The following PIGU variants were observed in gnomAD, a reference collection of about 807,000 sequenced individuals.
PIGU encodes GPI-anchor transamidase component PIGU.
Under a neutral mutation model 49.9 loss-of-function variants are expected in PIGU, and 24 were observed. The observed-to-expected ratio is 0.48, with a 90% CI of 0.35 to 0.68. The LOEUF is 0.68. Ranked by LOEUF, PIGU falls within the 30% of genes least tolerant of loss-of-function variation. PIGU has a pLI of 0.01. For synonymous variants in PIGU, 220 were observed against 205.7 expected, an observed-to-expected ratio of 1.07 and a Z score of -0.59; for missense variants, 490 against 532.6, an observed-to-expected ratio of 0.92 and a Z score of 0.79.
At chr20:34,669,506 A>G (rs995122231) in intron 1 of PIGU, among the ~76,000 whole-genome samples, 4 of 152,002 alleles carry the variant, frequency 2.6e-5, no homozygotes, top group African/African-American at 9.7e-5. Context: ...ATCTCTACCA[A>G]AAATACAAAA....
intron 7 of PIGU, among the ~76,000 whole-genome samples, chr20:34,596,170 A>G (rs1201069427): frequency 6.6e-6 from 1 of 152,230 alleles, no homozygotes; most frequent in Non-Finnish European, 1.5e-5. Flanking sequence ...TGAGGACACA[A>G]TATGCATTTT....
chr20:34,633,138 T>C (rs1402111034), intron 6 of PIGU, among the ~76,000 whole-genome samples: 1 of 152,098 alleles, frequency 6.6e-6, no homozygotes, highest in African/African-American at 2.4e-5. Flanking sequence ...CACAGTGTTG[T>C]AAAATATAGG....
chr20:34,588,395 T>G (rs1983787068), intron 8 of PIGU, 58 bp downstream of exon 8: 1 of 1,491,972 alleles, frequency 6.7e-7, no homozygotes, highest in Admixed American at 1.9e-5. Flanking sequence ...GACAACAGTA[T>G]ACAAGGGTTC....
rs566473169 is a variant in PIGU at position 34,637,090 on chromosome 20, G to A, written c.428+786C>T. Among the ~76,000 whole-genome samples, 10 of 152,310 alleles carry A rather than the reference G, an allele frequency of 6.6e-5. No individual in the cohort carries two copies. The South Asian group carries it at 1.5e-3, about 22-fold the overall frequency. On this transcript the variant is annotated intron_variant, in intron 5 of 11. Transcript: ENST00000217446. The stretch of plus-strand genomic sequence containing the variant: ...AAGCCATTTCTAAATAGCAGGTGAC[G>A]TTCAAGAAGCAGCTGCATAGACATC...
intron 11 of PIGU, among the ~76,000 whole-genome samples, chr20:34,563,131 T>C (rs975218979): frequency 1.4e-4 from 21 of 152,312 alleles, no homozygotes; most frequent in African/African-American, 5.1e-4. Context: ...TCCAACCTAA[T>C]ATAAAACGGA....
intron 11 of PIGU, among the ~76,000 whole-genome samples, chr20:34,565,364 G>A (rs1215192851): frequency 2.6e-5 from 4 of 151,786 alleles, no homozygotes; most frequent in East Asian, 3.9e-4. Context: ...TGATTCTCCC[G>A]CCTCAGCCTC....
At chr20:34,568,836 G>A (rs567510173) in intron 11 of PIGU, among the ~76,000 whole-genome samples, 86 of 152,210 alleles carry the variant, frequency 5.7e-4, no homozygotes, top group Non-Finnish European at 1.0e-3. Context: ...AGTACAGGGA[G>A]GGGTCAGGGC....
intron 9 of PIGU, among the ~76,000 whole-genome samples, chr20:34,584,651 A>AG (rs1406798757): frequency 6.6e-6 from 1 of 151,578 alleles, no homozygotes; most frequent in Non-Finnish European, 1.5e-5. Flanking sequence ...CTGGGACTAC[A>AG]GGGGCACACC....
chr20:34,624,935 AG>A (rs1985402416), intron 6 of PIGU, among the ~76,000 whole-genome samples: 1 of 152,156 alleles, frequency 6.6e-6, no homozygotes, highest in South Asian at 2.1e-4. Flanking sequence ...AAAGCAAACA[AG>A]GTCACTCCCT....
intron 6 of PIGU, among the ~76,000 whole-genome samples, chr20:34,632,142 G>C (rs1311158293): frequency 6.6e-6 from 1 of 151,174 alleles, no homozygotes; most frequent in African/African-American, 2.4e-5. Flanking sequence ...TGCCTGGCCA[G>C]AAGATATTAA....
chr20:34,621,956 G>A (rs1283008420), intron 6 of PIGU, among the ~76,000 whole-genome samples: 1 of 152,126 alleles, frequency 6.6e-6, no homozygotes, highest in East Asian at 1.9e-4. Flanking sequence ...AGGTGAGGCT[G>A]GGCAGTCCAA....
In PIGU at chr20:34,586,897, T is replaced by C. The variant is rs554841424; in HGVS notation, c.783-1317A>G. 2.0e-5 allele frequency among the ~76,000 whole-genome samples: 3 copies of C among 152,116 alleles called. No homozygotes were observed. The South Asian group carries it at 6.2e-4, about 32-fold the overall frequency. On this transcript the variant is annotated intron_variant, in intron 8 of 11. Transcript: ENST00000217446. Reference sequence around the variant, plus strand: ...ATTTGCTTTGGATGTTCCCAGGGAGTGCTCTTTAACCCACTTATGCTGGAG... The same window carrying C: ...ATTTGCTTTGGATGTTCCCAGGGAGCGCTCTTTAACCCACTTATGCTGGAG...
At chr20:34,628,882 A>C (rs1056713164) in intron 6 of PIGU, among the ~76,000 whole-genome samples, 3 of 152,092 alleles carry the variant, frequency 2.0e-5, no homozygotes, top group African/African-American at 7.2e-5. Flanking sequence ...TTATTGATAT[A>C]TGTTATATGT....
intron 1 of PIGU, among the ~76,000 whole-genome samples, chr20:34,658,944 A>C (rs2146785781): frequency 7.4e-6 from 1 of 135,742 alleles, no homozygotes; most frequent in Admixed American, 7.3e-5. Context: ...TCCGGGAGGG[A>C]GGCGGAGGGG....
chr20:34,626,627 A>G (rs936385612), intron 6 of PIGU, among the ~76,000 whole-genome samples: 11 of 152,116 alleles, frequency 7.2e-5, no homozygotes, highest in African/African-American at 2.4e-4. Context: ...ACATTTTAAG[A>G]CTGCCCATGG....
intron 3 of PIGU, among the ~76,000 whole-genome samples, chr20:34,645,030 A>C (rs530879234): frequency 6.6e-6 from 1 of 152,096 alleles, no homozygotes; most frequent in Non-Finnish European, 1.5e-5. Flanking sequence ...CTGAGTTCCT[A>C]TGTTTTTTGT....
intron 11 of PIGU, among the ~76,000 whole-genome samples, chr20:34,571,231 C>T (rs1226998540): frequency 6.6e-6 from 1 of 152,220 alleles, no homozygotes; most frequent in East Asian, 1.9e-4. Flanking sequence ...CTGTTACTGA[C>T]TCTGAGGAAC....
At chr20:34,644,060 A>G in intron 4 of PIGU, 104 bp downstream of exon 4, 5 of 1,070,502 alleles carry the variant, frequency 4.7e-6, no homozygotes, top group Middle Eastern at 2.1e-4. Context: ...ATCACTTCCT[A>G]GCACTTTAAA....
At chr20:34,607,434 G>T (rs140198552) in intron 7 of PIGU, among the ~76,000 whole-genome samples, 1 of 152,140 alleles carries the variant, frequency 6.6e-6, no homozygotes, top group Non-Finnish European at 1.5e-5. Flanking sequence ...GATTTCAGAC[G>T]GACACCTTGA....
Sources: gnomAD v4.1 joint callset for allele counts (sites outside exome capture counted in the v4.1 genomes callset) on GRCh38, gnomAD v4.1.1 for gene constraint, MANE v1.5 for transcripts, NCBI Gene and HGNC (gene_info 2026-07-23, HGNC 2026-07-21) for gene names.